CREBBP: variants seen among roughly 807,000 people sequenced by gnomAD.
CREBBP encodes the protein CREB binding lysine acetyltransferase.
Under a neutral mutation model 265.0 loss-of-function variants are expected in CREBBP, and 19 were observed. That is an observed-to-expected ratio of 0.07 (90% CI 0.05 to 0.11). The LOEUF is 0.11. Among genes scored for constraint, CREBBP ranks in the 10% least tolerant of loss-of-function variants. The probability of loss-of-function intolerance (pLI) is 1.00; values close to 1 mark genes in which losing one functional copy is unlikely to be tolerated. For missense variants in CREBBP, 2,525 were observed against 3,219.0 expected (o/e 0.78, Z 5.22); for synonymous variants, 1,457 against 1,223.7 (o/e 1.19, Z -3.98).
Position 3,728,641 on chromosome 16 carries a change from G to T in CREBBP, c.6406C>A (p.Gln2136Lys). The change falls in exon 31 of 31, where the codon CAG (glutamine) becomes AAG (lysine). Residue 2136 changes from glutamine (Q) to lysine (K), a missense_variant. Gln to Lys is a moderately conservative substitution (Grantham distance 53). Coordinates refer to ENST00000262367, the MANE Select transcript of CREBBP (RefSeq NM_004380.3). This position sits in a 1 kb window ranked among gnomAD's most constrained non-coding sequence, Gnocchi z 8.7. ...GCATTCAGGTTCTGCAGGCTGGGCT[G>T]CTGGTGCATGCCAGGCTGGGGTTGC... ...GMQPQPGMHQ[Q>K]PSLQNLNAMQ... The T allele has an allele frequency of 1.2e-6, 2 of 1,613,736 alleles. No individual in the cohort carries two copies. Among genetic ancestry groups the T allele is most frequent in the Non-Finnish European group, 1.7e-6 (2 of 1,179,942 alleles).
chr16:3,808,677 G>T (rs1179167361), intron 3 of CREBBP, among the ~76,000 whole-genome samples: 1 of 152,232 alleles, frequency 6.6e-6, no homozygotes, highest in East Asian at 1.9e-4. Flanking sequence ...AAAGGAGAGG[G>T]GATGGGGAAG....
chr16:3,794,143 C>G (rs187558079), intron 3 of CREBBP, among the ~76,000 whole-genome samples: 2 of 151,790 alleles, frequency 1.3e-5, no homozygotes, highest in African/African-American at 4.8e-5. Context: ...CTGGCTAACA[C>G]GATGAGACCT....
chr16:3,767,206 T>G (rs537248833), intron 16 of CREBBP: 1 of 163,176 alleles, frequency 6.1e-6, no homozygotes, highest in South Asian at 1.6e-4. Flanking sequence ...CTCCCCCATG[T>G]CTCACTACAC....
At chr16:3,737,086 A>AAG (rs1400480150) in intron 26 of CREBBP, 5 of 539,646 alleles carry the variant, frequency 9.3e-6, no homozygotes, top group Non-Finnish European at 1.7e-5. Context: ...GGCCTCATTA[A>AAG]AGAACCAGGG....
At chr16:3,793,723 A>G (rs1311072107) in intron 3 of CREBBP, 97 bp from the exon 4 acceptor site, 1 of 1,395,622 alleles carries the variant, frequency 7.2e-7, no homozygotes, top group Non-Finnish European at 9.8e-7. Flanking sequence ...GCTGATGGAT[A>G]ATACCGACCA....
Position 3,773,891 on chromosome 16 carries a change from T to A in CREBBP, c.2323A>T (p.Met775Leu), listed in dbSNP as rs990281677. 3 of 1,612,298 alleles carry A rather than the reference T, an allele frequency of 1.9e-6. No homozygotes were observed. Among genetic ancestry groups the A allele is most frequent in the African/African-American group, 2.7e-5 (2 of 74,974 alleles). ...ATGTTGTTGGTGTGTGCACCCATCA[T>A]GTTCGGAGGCTGAGGCATTCGGGAA... The part of the protein sequence containing the change: ...SPSRMPQPPN[M>L]MGAHTNNMMA... Residue 775 changes from methionine to leucine, a missense_variant, in exon 13 of 31, where the codon ATG becomes TTG. Transcript: ENST00000262367.
intron 2 of CREBBP, among the ~76,000 whole-genome samples, chr16:3,821,038 G>T (rs190764587): frequency 1.1e-3 from 160 of 152,200 alleles, no homozygotes; most frequent in African/African-American, 3.7e-3. Flanking sequence ...AAAAACGACG[G>T]GTCAAGGTCA....
At chr16:3,849,446 T>TGTGTGTGTGTGTGTGTG (rs2054768280) in intron 2 of CREBBP, among the ~76,000 whole-genome samples, 8 of 33,652 alleles carry the variant, frequency 2.4e-4, no homozygotes, top group Middle Eastern at 0.015. Context: ...TGTGTGTGTG[T>TGTGTGTGTGTGTGTGTG]GTGTGTGTGT....
intron 5 of CREBBP, 138 bp downstream of exon 5, chr16:3,791,843 T>C (rs1167857974): frequency 3.9e-6 from 3 of 771,476 alleles, no homozygotes; most frequent in Non-Finnish European, 6.8e-6. Context: ...TGGCTGTACC[T>C]TGGGCTGCTG....
rs976949877 is a variant in CREBBP, at chr16:3,749,670, C to T, written c.3793G>A (p.Asp1265Asn). Reference protein sequence around the residue: ...PSQPQTTISKDQFEKKKNDTL... With the variant: ...PSQPQTTISKNQFEKKKNDTL... The stretch of plus-strand genomic sequence containing the variant: ...TCATTTTTCTTCTTTTCAAACTGAT[C>T]CTTTGAAATTGTCCTTGTTTTAAAA... Residue 1265 changes from aspartate to asparagine, a missense_variant, in exon 21 of 31, where the codon GAT (aspartate) becomes AAT (asparagine). This residue lies in a region of CREBBP where 252 missense variants were observed against 452.5 expected (regional missense o/e 0.56). Transcript: ENST00000262367. 1.2e-6 allele frequency: 2 copies of T among 1,601,100 alleles called. No homozygotes were observed. Among genetic ancestry groups the T allele is most frequent in the African/African-American group, 2.7e-5 (2 of 74,650 alleles).
chr16:3,753,374 T>C (rs2052518236), intron 19 of CREBBP, among the ~76,000 whole-genome samples: 1 of 152,248 alleles, frequency 6.6e-6, no homozygotes, highest in Non-Finnish European at 1.5e-5. Context: ...CTTCAGTGCA[T>C]GCACATCTCA....
intron 8 of CREBBP, 73 bp downstream of exon 8, chr16:3,780,659 C>G (rs967648218): frequency 6.6e-7 from 1 of 1,522,776 alleles, no homozygotes; most frequent in African/African-American, 1.4e-5. Flanking sequence ...TCCTAGGGTA[C>G]TGTCATCTGG....
chr16:3,769,031 A>G (rs952339183), intron 15 of CREBBP, 143 bp downstream of exon 15: 12 of 928,368 alleles, frequency 1.3e-5, no homozygotes, highest in Non-Finnish European at 1.9e-5. Context: ...TCAATTTCCT[A>G]TACACCAAAC....
rs2051846329 is a variant in CREBBP at position 3,729,315 on chromosome 16, G to C, written c.5732C>G (p.Pro1911Arg). The change falls in exon 31 of 31, where the codon CCC (proline) becomes CGC (arginine). Residue 1911 changes from proline (P) to arginine (R), a missense_variant. Physicochemically the swap from Pro to Arg is moderately radical, Grantham distance 103. Around this residue, in one of 19 missense-constraint regions of CREBBP, gnomAD observed 275 missense variants for 276.5 expected, o/e 0.99. Transcript: ENST00000262367. The part of the protein sequence containing the change: ...QTPQPPAQPQ[P>R]SPVSMSPAGF... ...AGCTGGTGACATGCTCACGGGTGAGGGTTGGGGCTGGGCAGGGGGCTGCGG... is the reference window on the plus strand; with the variant it reads ...AGCTGGTGACATGCTCACGGGTGAGCGTTGGGGCTGGGCAGGGGGCTGCGG... The C allele has an allele frequency of 1.3e-6, 2 of 1,560,046 alleles. No homozygotes were observed. Among genetic ancestry groups the C allele is most frequent in the Non-Finnish European group, 1.7e-6 (2 of 1,158,264 alleles).
chr16:3,839,019 T>C (rs775219140), intron 2 of CREBBP, among the ~76,000 whole-genome samples: 2 of 152,248 alleles, frequency 1.3e-5, no homozygotes, highest in Non-Finnish European at 2.9e-5. Context: ...ATACTAAGAA[T>C]GTTACATACA....
intron 2 of CREBBP, among the ~76,000 whole-genome samples, chr16:3,822,943 G>A (rs1041944937): frequency 2.0e-5 from 3 of 152,166 alleles, no homozygotes; most frequent in African/African-American, 7.2e-5. Flanking sequence ...CCTAGAAAAG[G>A]GAGAGGGGTG....
intron 3 of CREBBP, among the ~76,000 whole-genome samples, chr16:3,805,337 T>C (rs149990780): frequency 7.2e-5 from 11 of 152,354 alleles, no homozygotes; most frequent in Admixed American, 6.5e-4. Context: ...CTATAGACAC[T>C]GTTATGGTAA....
At chr16:3,820,470 C>T (rs1167410185) in intron 2 of CREBBP, among the ~76,000 whole-genome samples, 1 of 152,214 alleles carries the variant, frequency 6.6e-6, no homozygotes, top group Admixed American at 6.5e-5. Flanking sequence ...ACCTGGAATG[C>T]ATTCAGGAAA....
At chr16:3,763,965 C>T (rs2052785639) in intron 16 of CREBBP, among the ~76,000 whole-genome samples, 1 of 151,792 alleles carries the variant, frequency 6.6e-6, no homozygotes, top group Non-Finnish European at 1.5e-5. Flanking sequence ...CTGCCTCAGC[C>T]TTCCGAGTAG....
Sources: allele counts gnomAD v4.1 joint callset (sites outside exome capture counted in the v4.1 genomes callset), GRCh38; gene constraint gnomAD v4.1.1; regional missense constraint gnomAD v4.1.1; non-coding constraint Gnocchi (gnomAD v3.1); transcripts MANE v1.5; gene names NCBI Gene and HGNC (gene_info 2026-07-23, HGNC 2026-07-21).